BNC2: variants seen among roughly 807,000 people sequenced by gnomAD.
BNC2 encodes the protein basonuclin zinc finger protein 2.
Under a neutral mutation model 76.3 loss-of-function variants are expected in BNC2, and 20 were observed. That is an observed-to-expected ratio of 0.26 (90% CI 0.18 to 0.38). The LOEUF (loss-of-function observed/expected upper bound fraction) is 0.38. Among genes scored for constraint, BNC2 ranks in the 10% least tolerant of loss-of-function variants. The pLI, the probability that BNC2 is intolerant of heterozygous loss-of-function variation, is 1.00. For missense variants in BNC2, 1,382 were observed against 1,399.8 expected, an observed-to-expected ratio of 0.99 and a Z score of 0.20; for synonymous variants, 582 against 514.8, an observed-to-expected ratio of 1.13 and a Z score of -1.77.
chr9:16,752,680 T>C (rs1825256701), intron 1 of BNC2, among the ~76,000 whole-genome samples: 2 of 152,192 alleles, frequency 1.3e-5, no homozygotes, highest in South Asian at 4.1e-4. Context: ...CTAGATTCTC[T>C]CTCTAGAAAC....
At chr9:16,783,980 G>C (rs967187485) in intron 1 of BNC2, among the ~76,000 whole-genome samples, 9 of 152,066 alleles carry the variant, frequency 5.9e-5, no homozygotes, top group Admixed American at 6.5e-5. Flanking sequence ...AAAGTAATTA[G>C]TGACACCTCA....
At chr9:16,622,609 T>C (rs191437801) in intron 3 of BNC2, among the ~76,000 whole-genome samples, 406 of 152,276 alleles carry the variant, frequency 2.7e-3, no homozygotes, top group African/African-American at 9.3e-3. Flanking sequence ...AGATATAATG[T>C]AGCTGATCCC....
At chr9:16,561,620 G>A (rs1034654306) in intron 4 of BNC2, among the ~76,000 whole-genome samples, 4 of 152,118 alleles carry the variant, frequency 2.6e-5, no homozygotes, top group Admixed American at 6.5e-5. Context: ...CAAAATAAAG[G>A]TAGATACTTG....
intron 3 of BNC2, chr9:16,685,545 C>G: frequency 2.3e-6 from 3 of 1,304,062 alleles, no homozygotes; most frequent in Non-Finnish European, 3.0e-6. Flanking sequence ...AGACTCTAAC[C>G]TGGACTTCCA....
At chr9:16,569,473 T>A (rs543357298) in intron 4 of BNC2, among the ~76,000 whole-genome samples, 2 of 152,202 alleles carry the variant, frequency 1.3e-5, no homozygotes, top group Admixed American at 1.3e-4. Context: ...CTCGAGACTA[T>A]ACAGCCAATA....
intron 5 of BNC2, among the ~76,000 whole-genome samples, chr9:16,489,840 G>C (rs1011461682): frequency 1.1e-4 from 16 of 152,196 alleles, no homozygotes; most frequent in Admixed American, 7.2e-4. Context: ...AACAAAACTT[G>C]AGGAGGCAGC....
At chr9:16,439,402 GGA>G (rs1236083257) in intron 5 of BNC2, among the ~76,000 whole-genome samples, 1 of 151,964 alleles carries the variant, frequency 6.6e-6, no homozygotes, top group East Asian at 1.9e-4. Flanking sequence ...AGATTAGAGG[GGA>G]CTAATAAAAA....
intron 3 of BNC2, among the ~76,000 whole-genome samples, chr9:16,677,511 T>G (rs55747605): frequency 6.6e-6 from 1 of 151,122 alleles, no homozygotes; most frequent in Non-Finnish European, 1.5e-5. Flanking sequence ...AGGTGGAGGT[T>G]GCAGTGAGCC....
chr9:16,513,584 A>G (rs541362294), intron 5 of BNC2, among the ~76,000 whole-genome samples: 1 of 152,260 alleles, frequency 6.6e-6, no homozygotes, highest in East Asian at 1.9e-4. Context: ...GATCACAGGC[A>G]TGAGCCACCG....
chr9:16,666,716 A>G (rs879579984), intron 3 of BNC2, among the ~76,000 whole-genome samples: 9 of 152,226 alleles, frequency 5.9e-5, no homozygotes, highest in Non-Finnish European at 1.2e-4. Context: ...AACAGCAAAT[A>G]TATCTGTTTT....
intron 3 of BNC2, among the ~76,000 whole-genome samples, chr9:16,595,033 T>C (rs1820028319): frequency 6.6e-6 from 1 of 152,132 alleles, no homozygotes; most frequent in Admixed American, 6.6e-5. Flanking sequence ...TACTAGGATT[T>C]TCTGCCAAAA....
chr9:16,490,712 T>C (rs1822259659), intron 5 of BNC2, among the ~76,000 whole-genome samples: 1 of 152,120 alleles, frequency 6.6e-6, no homozygotes. Flanking sequence ...GGGTTGAAAG[T>C]ATTCTACACT....
At chr9:16,787,757 C>T (rs1352474134) in intron 1 of BNC2, among the ~76,000 whole-genome samples, 1 of 152,110 alleles carries the variant, frequency 6.6e-6, no homozygotes, top group Non-Finnish European at 1.5e-5. Context: ...CACTTTGTTG[C>T]CCGGGCTGGT....
intron 5 of BNC2, among the ~76,000 whole-genome samples, chr9:16,451,594 T>C (rs1293458363): frequency 1.3e-5 from 2 of 152,184 alleles, no homozygotes; most frequent in African/African-American, 4.8e-5. Flanking sequence ...TAAATGATCC[T>C]GAACACTACA....
intron 3 of BNC2, among the ~76,000 whole-genome samples, chr9:16,681,066 G>A (rs1042712110): frequency 3.9e-5 from 6 of 152,098 alleles, no homozygotes; most frequent in Non-Finnish European, 2.9e-5. Context: ...ACTTTACTGG[G>A]AAGTCCTGTG....
intron 1 of BNC2, among the ~76,000 whole-genome samples, chr9:16,794,273 A>G (rs761841330): frequency 2.0e-5 from 3 of 152,204 alleles, no homozygotes; most frequent in Non-Finnish European, 4.4e-5. Flanking sequence ...TTCCTCTTAC[A>G]AAGTATTGGT....
chr9:16,677,578 A>AACACACAC lies in BNC2; in HGVS notation c.330+50211_330+50218dup, dbSNP rs57587457. Among the ~76,000 whole-genome samples the AACACACAC allele has an allele frequency of 7.3e-3, 1,014 of 139,326 alleles. 20 individuals carry two copies. Among genetic ancestry groups the AACACACAC allele is most frequent in the African/African-American group, 0.026 (909 of 35,508 alleles). The allele number at this position is 139,326 out of a possible 152,430, so 91.4% of individuals were successfully genotyped here. A position where few individuals can be genotyped will look rare whatever the true frequency, so the allele number is the denominator to read the frequency against. ...ACAAAGCTAGACTTTGTCTCAAACA[A>AACACACAC]ACACACACACACACACACACACACA... On this transcript the variant is annotated intron_variant, in intron 3 of 6. Coordinates refer to ENST00000380672, the MANE Select transcript of BNC2 (RefSeq NM_017637.6).
chr9:16,446,211 T>C (rs1466931355), intron 5 of BNC2, among the ~76,000 whole-genome samples: 3 of 152,122 alleles, frequency 2.0e-5, no homozygotes, highest in East Asian at 1.9e-4. Flanking sequence ...CTACTCTCAT[T>C]ATAAATCACT....
At chr9:16,423,574 G>A (rs1820749123) in intron 6 of BNC2, among the ~76,000 whole-genome samples, 1 of 152,172 alleles carries the variant, frequency 6.6e-6, no homozygotes, top group Non-Finnish European at 1.5e-5. Flanking sequence ...GTACTTAAAA[G>A]TACATTGGTT....
Sources: gnomAD v4.1 joint callset for allele counts (sites outside exome capture counted in the v4.1 genomes callset) on GRCh38, gnomAD v4.1.1 for gene constraint, MANE v1.5 for transcripts, NCBI Gene and HGNC (gene_info 2026-07-23, HGNC 2026-07-21) for gene names.